Variants in PTPN4 observed in about 807,000 individuals in gnomAD.
PTPN4 encodes tyrosine-protein phosphatase non-receptor type 4.
A neutral mutation model predicts 135.5 loss-of-function variants in PTPN4; 49 were observed. The observed-to-expected ratio is 0.36, with a 90% CI of 0.29 to 0.46. PTPN4 has a LOEUF of 0.46. PTPN4 is among the 20% of genes least tolerant of loss of function. The pLI is 1.00. For synonymous variants in PTPN4, 333 were observed against 369.9 expected (o/e 0.90, Z 1.14); for missense variants, 860 against 1,101.0 (o/e 0.78, Z 3.10).
intron 9 of PTPN4, among the ~76,000 whole-genome samples, chr2:119,887,203 A>C (rs1678172268): frequency 6.6e-6 from 1 of 152,216 alleles, no homozygotes; most frequent in Admixed American, 6.5e-5. Flanking sequence ...TAAAAATAAA[A>C]AGGGGCTGGG....
intron 8 of PTPN4, among the ~76,000 whole-genome samples, chr2:119,884,560 A>G (rs1445420265): frequency 6.6e-6 from 1 of 152,246 alleles, no homozygotes; most frequent in Non-Finnish European, 1.5e-5. Flanking sequence ...TAATCTAAGT[A>G]AATTCCATTC....
intron 20 of PTPN4, among the ~76,000 whole-genome samples, chr2:119,956,237 A>ATT (rs10627020): frequency 0.5 from 50,257 of 101,050 alleles, 13,547 homozygotes; most frequent in East Asian, 0.69. Context: ...ATAAACCTGA[A>ATT]TTTTTTTTTT....
intron 3 of PTPN4, 133 bp downstream of exon 3, chr2:119,862,776 T>A (rs1239338284): frequency 1.7e-6 from 1 of 589,300 alleles, no homozygotes; most frequent in East Asian, 3.2e-5. Context: ...GAGGTAATTC[T>A]TTTGCTTTTG....
At chr2:119,939,465 T>C (rs1679030967) in intron 15 of PTPN4, among the ~76,000 whole-genome samples, 1 of 152,130 alleles carries the variant, frequency 6.6e-6, no homozygotes, top group South Asian at 2.1e-4. Flanking sequence ...CATGCCCAGC[T>C]AATTTTTGTA....
intron 1 of PTPN4, among the ~76,000 whole-genome samples, chr2:119,808,898 A>G (rs1691530150): frequency 6.6e-6 from 1 of 152,180 alleles, no homozygotes; most frequent in South Asian, 2.1e-4. Context: ...CTGATTTGAA[A>G]TACTATTTTC....
At chr2:119,859,600 C>G (rs534083385) in intron 2 of PTPN4, among the ~76,000 whole-genome samples, 2 of 152,160 alleles carry the variant, frequency 1.3e-5, no homozygotes, top group East Asian at 3.9e-4. Flanking sequence ...AGTGGAAGTC[C>G]AGGCTTCCTC....
intron 1 of PTPN4, among the ~76,000 whole-genome samples, chr2:119,766,942 TC>T (rs1049152236): frequency 6.6e-6 from 1 of 152,200 alleles, no homozygotes; most frequent in African/African-American, 2.4e-5. Context: ...ATTGAGCACT[TC>T]CAGTGAGCCA....
At chr2:119,911,482 C>T (rs1254666327) in intron 10 of PTPN4, among the ~76,000 whole-genome samples, 2 of 151,974 alleles carry the variant, frequency 1.3e-5, no homozygotes, top group African/African-American at 4.8e-5. Flanking sequence ...ACATAGCTAA[C>T]TATAAATACA....
Position 119,915,237 on chromosome 2 carries a change from G to C in PTPN4, c.823G>C (p.Glu275Gln). The C allele has an allele frequency of 6.5e-7, 1 of 1,534,830 alleles. No homozygotes were observed. The highest frequency in any genetic ancestry group is 8.8e-7 in the Non-Finnish European group (1 of 1,141,342). Residue 275 changes from glutamate (E) to glutamine (Q), a missense_variant, in exon 11 of 27, where the codon GAA becomes CAA. This residue lies in a region of PTPN4 where 684 missense variants were observed against 807.0 expected (regional missense o/e 0.85). Transcript: ENST00000263708. ...CKQFFIQLRK[E>Q]LHESRETLLG... ...ACAGTTTTTTATTCAACTTAGAAAA[G>C]AATTGGTGAGTACGGATTTAATAAT...
At chr2:119,893,552 GT>G (rs1207400219) in intron 9 of PTPN4, among the ~76,000 whole-genome samples, 1 of 152,160 alleles carries the variant, frequency 6.6e-6, no homozygotes, top group African/African-American at 2.4e-5. Flanking sequence ...ATAGTTAATA[GT>G]TAAAATCATG....
Position 119,822,989 on chromosome 2 carries a change from T to G in PTPN4, c.138+12998T>G, listed in dbSNP as rs185034703. 2.4e-4 allele frequency among the ~76,000 whole-genome samples: 36 copies of G among 152,340 alleles called. No homozygotes were observed. The East Asian group carries it at 6.9e-3, about 29-fold the overall frequency. ...CCCCATTTCTATTTTACATGTGTTT[T>G]GGGGACTATAACAAGAGTCACCTTA... On this transcript the variant is annotated intron_variant, in intron 2 of 26. Transcript: ENST00000263708.
intron 26 of PTPN4, among the ~76,000 whole-genome samples, chr2:119,974,669 C>G (rs1434719484): frequency 6.6e-6 from 1 of 152,150 alleles, no homozygotes; most frequent in Non-Finnish European, 1.5e-5. Flanking sequence ...TCTTGTGCCC[C>G]TGATTTAGAA....
rs778201209 is a variant in PTPN4, at chr2:119,977,071, G to T, written c.*1G>T. On this transcript the variant is annotated 3_prime_UTR_variant, in exon 27 of 27. Coordinates refer to ENST00000263708, the MANE Select transcript of PTPN4 (RefSeq NM_002830.4). ...CTTAACAACATCAACAAATAAATAAGAAAGCAAAAAGATCTGGGATATGTG... is the reference window on the plus strand; with the variant it reads ...CTTAACAACATCAACAAATAAATAATAAAGCAAAAAGATCTGGGATATGTG... The T allele has an allele frequency of 1.4e-5, 23 of 1,590,858 alleles. No homozygotes were observed. The highest frequency in any genetic ancestry group is 2.0e-5 in the Non-Finnish European group (23 of 1,173,122).
chr2:119,824,584 T>C (rs1677120331), intron 2 of PTPN4, among the ~76,000 whole-genome samples: 1 of 152,262 alleles, frequency 6.6e-6, no homozygotes, highest in African/African-American at 2.4e-5. Context: ...AGTTATATAA[T>C]TTTTATCTTT....
intron 2 of PTPN4, among the ~76,000 whole-genome samples, chr2:119,834,850 T>G (rs3111719): frequency 0.011 from 1,617 of 152,342 alleles, 33 homozygotes; most frequent in African/African-American, 0.037. Context: ...TCAGTCCATA[T>G]ACACTGAACA....
rs1182397102 is a variant in PTPN4 at position 119,847,307 on chromosome 2, C to T, written c.139-15229C>T. Among the ~76,000 whole-genome samples, 806 of 100,772 alleles carry T rather than the reference C, an allele frequency of 8.0e-3. 9 individuals carry two copies. The highest frequency in any genetic ancestry group is 0.013 in the Non-Finnish European group (640 of 50,116). 66.1% of individuals were successfully genotyped at this position (100,772 alleles called of 152,430 possible). ...ACACACACACACACACACACACACACACACACACATATATATATATATTTT... is the reference window on the plus strand; with the variant it reads ...ACACACACACACACACACACACACATACACACACATATATATATATATTTT... On this transcript the variant is annotated intron_variant, in intron 2 of 26. Coordinates refer to ENST00000263708, the MANE Select transcript of PTPN4 (RefSeq NM_002830.4).
At chr2:119,928,524 C>A (rs1678856431) in intron 13 of PTPN4, among the ~76,000 whole-genome samples, 1 of 151,956 alleles carries the variant, frequency 6.6e-6, no homozygotes, top group South Asian at 2.1e-4. Flanking sequence ...ATTTGCACTG[C>A]AATATGAGGG....
Position 119,979,573 on chromosome 2 carries a change from C to G in PTPN4, c.*2503C>G, listed in dbSNP as rs1293965813. On this transcript the variant is annotated 3_prime_UTR_variant, in exon 27 of 27. Coordinates refer to ENST00000263708, the MANE Select transcript of PTPN4 (RefSeq NM_002830.4). Reference sequence around the variant, plus strand: ...TTTACAACTTCTTAAAATGAATATGCTAATAGATAAGACTTTATCCATTAC... The same window carrying G: ...TTTACAACTTCTTAAAATGAATATGGTAATAGATAAGACTTTATCCATTAC... 1 of 152,032 alleles carries G rather than the reference C, an allele frequency of 6.6e-6. No homozygotes were observed. The highest frequency in any genetic ancestry group is 2.4e-5 in the African/African-American group (1 of 41,420). The allele number at this position is 152,032 out of a possible 1,614,324, so 9.4% of individuals were successfully genotyped here.
At chr2:119,844,565 C>A (rs866010994) in intron 2 of PTPN4, among the ~76,000 whole-genome samples, 3,503 of 146,252 alleles carry the variant, frequency 0.024, 119 homozygotes, top group African/African-American at 0.083. Context: ...CGCTCCTCAC[C>A]TCCCAGACGG....
Sources: allele counts gnomAD v4.1 joint callset (sites outside exome capture counted in the v4.1 genomes callset), GRCh38; gene constraint gnomAD v4.1.1; regional missense constraint gnomAD v4.1.1; transcripts MANE v1.5; gene names NCBI Gene and HGNC (gene_info 2026-07-23, HGNC 2026-07-21).